The following RMST variants were observed in gnomAD, a reference collection of about 807,000 sequenced individuals.
RMST encodes long intergenic non-protein coding RNA 54.
intron 5 of RMST, among the ~76,000 whole-genome samples, chr12:97,482,460 CT>C (rs1287267585): frequency 4.6e-5 from 7 of 151,972 alleles, no homozygotes; most frequent in African/African-American, 1.2e-4. Context: ...CCATTAGTAA[CT>C]TTTTTTGTTT....
In RMST at chr12:97,470,211, A is replaced by G. The variant is rs142167270; in HGVS notation, n.644+4484A>G. 1.8e-4 allele frequency among the ~76,000 whole-genome samples: 28 copies of G among 152,276 alleles called. No homozygotes were observed. The East Asian group carries it at 5.0e-3, about 27-fold the overall frequency. On this transcript the variant is annotated intron_variant and non_coding_transcript_variant, in intron 5 of 13. Coordinates refer to ENST00000640149, the Ensembl canonical transcript of RMST. ...TTAACACCTGACAGTTGCAACAACT[A>G]AGATGATTTGAGCGAGATAATGCTC...
At chr12:97,469,737 T>G (rs1873672003) in intron 5 of RMST, among the ~76,000 whole-genome samples, 1 of 152,072 alleles carries the variant, frequency 6.6e-6, no homozygotes, top group East Asian at 1.9e-4. Flanking sequence ...TTGTTCAAGA[T>G]GTTCAGAATA....
chr12:97,521,986 T>C (rs553163303), intron 10 of RMST, among the ~76,000 whole-genome samples: 1 of 152,206 alleles, frequency 6.6e-6, no homozygotes, highest in Non-Finnish European at 1.5e-5. Flanking sequence ...GTTTCTTCTA[T>C]TAAAGTGAAA....
chr12:97,480,135 G>A (rs897034315), intron 5 of RMST, among the ~76,000 whole-genome samples: 2 of 145,358 alleles, frequency 1.4e-5, no homozygotes, highest in African/African-American at 5.3e-5. Flanking sequence ...CTGTCACCCA[G>A]GTTAGAGTGC....
chr12:97,485,264 T>C (rs1419645550), intron 5 of RMST, among the ~76,000 whole-genome samples: 2 of 152,216 alleles, frequency 1.3e-5, no homozygotes, highest in African/African-American at 2.4e-5. Flanking sequence ...ATCATAATTA[T>C]GACCCTTAGG....
intron 10 of RMST, among the ~76,000 whole-genome samples, chr12:97,514,313 A>G (rs11109083): frequency 0.073 from 11,186 of 152,282 alleles, 695 homozygotes; most frequent in East Asian, 0.16. Flanking sequence ...TTGCAACTCT[A>G]TAATTATCTC....
intron 10 of RMST, among the ~76,000 whole-genome samples, chr12:97,499,851 G>A (rs1404775871): frequency 6.6e-6 from 1 of 151,884 alleles, no homozygotes; most frequent in African/African-American, 2.4e-5. Context: ...TACAGATGGG[G>A]TTTCACCATG....
chr12:97,541,517 C>G (rs890042280), intron 11 of RMST, among the ~76,000 whole-genome samples: 1 of 151,600 alleles, frequency 6.6e-6, no homozygotes, highest in African/African-American at 2.4e-5. Context: ...TATTAAGATA[C>G]CCTGACTCAC....
chr12:97,465,906 CT>C (rs1440454184), intron 5 of RMST, among the ~76,000 whole-genome samples: 1 of 152,140 alleles, frequency 6.6e-6, no homozygotes, highest in East Asian at 1.9e-4. Context: ...TGAAGATTGG[CT>C]AGCTTTGGTG....
chr12:97,553,597 CA>C (rs1282245047), intron 11 of RMST, among the ~76,000 whole-genome samples: 1 of 152,150 alleles, frequency 6.6e-6, no homozygotes, highest in Non-Finnish European at 1.5e-5. Context: ...TCTAAATGAG[CA>C]GTGAACTTTG....
intron 10 of RMST, among the ~76,000 whole-genome samples, chr12:97,497,243 G>A (rs186422809): frequency 1.6e-3 from 245 of 152,292 alleles, no homozygotes; most frequent in Non-Finnish European, 2.9e-3. Flanking sequence ...AAAGGTGAAT[G>A]CATGTGCATG....
At chr12:97,483,261 T>A (rs1413613694) in intron 5 of RMST, among the ~76,000 whole-genome samples, 2 of 152,220 alleles carry the variant, frequency 1.3e-5, no homozygotes, top group African/African-American at 4.8e-5. Context: ...AAACAGCTAC[T>A]CATAGAGGTT....
intron 4 of RMST, among the ~76,000 whole-genome samples, chr12:97,464,576 C>T (rs1040922391): frequency 3.9e-5 from 6 of 152,082 alleles, no homozygotes; most frequent in Non-Finnish European, 7.4e-5. Flanking sequence ...TTCATTGTGG[C>T]ACCTTTTGTA....
chr12:97,544,186 G>A (rs879678979), intron 11 of RMST, among the ~76,000 whole-genome samples: 1 of 151,966 alleles, frequency 6.6e-6, no homozygotes, highest in Non-Finnish European at 1.5e-5. Context: ...CAAACTAAAT[G>A]GAAAAATTGG....
chr12:97,474,449 G>A (rs796644486), intron 5 of RMST, among the ~76,000 whole-genome samples: 7 of 152,108 alleles, frequency 4.6e-5, no homozygotes, highest in African/African-American at 1.4e-4. Context: ...TGAACTCCAT[G>A]CAATGTAAAA....
At chr12:97,497,998 C>T (rs1877644620) in intron 10 of RMST, among the ~76,000 whole-genome samples, 1 of 152,114 alleles carries the variant, frequency 6.6e-6, no homozygotes, top group Admixed American at 6.6e-5. Flanking sequence ...CAAATACCTG[C>T]TCACACATAT....
chr12:97,494,570 C>G (rs1426553506), intron 8 of RMST: 1 of 152,046 alleles, frequency 6.6e-6, no homozygotes, highest in Non-Finnish European at 1.5e-5. Flanking sequence ...CATTAAAAGA[C>G]AGTTAAAATA....
At chr12:97,533,750 G>T (rs1302734239) in intron 11 of RMST, 1 of 151,748 alleles carries the variant, frequency 6.6e-6, no homozygotes, top group African/African-American at 2.4e-5. Flanking sequence ...TGATAATAAA[G>T]GTTCTCTTCC....
At chr12:97,500,061 A>G (rs538024392) in intron 10 of RMST, among the ~76,000 whole-genome samples, 1 of 152,214 alleles carries the variant, frequency 6.6e-6, no homozygotes, top group Non-Finnish European at 1.5e-5. Context: ...AAGGAGAGAT[A>G]GGATGATCTA....
Sources: gnomAD v4.1 joint callset for allele counts (sites outside exome capture counted in the v4.1 genomes callset) on GRCh38, gnomAD v4.1.1 for gene constraint, MANE v1.5 for transcripts, NCBI Gene and HGNC (gene_info 2026-07-23, HGNC 2026-07-21) for gene names.